The following PCDH9 variants were observed in gnomAD, a reference collection of about 807,000 sequenced individuals.
PCDH9 encodes the protein protocadherin 9.
Under a neutral mutation model 70.6 loss-of-function variants are expected in PCDH9, and 24 were observed. That is an observed-to-expected ratio of 0.34 (90% CI 0.25 to 0.48). The LOEUF (loss-of-function observed/expected upper bound fraction) is 0.48. Ranked by LOEUF, PCDH9 falls within the 20% of genes least tolerant of loss-of-function variation. The probability of loss-of-function intolerance (pLI) is 0.99; values close to 1 mark genes in which losing one functional copy is unlikely to be tolerated. For synonymous variants in PCDH9, 562 were observed against 558.5 expected (o/e 1.01, Z -0.09); for missense variants, 1,281 against 1,503.6 (o/e 0.85, Z 2.45).
At position 66,819,516 on chromosome 13, in the gene PCDH9, A is replaced by T. The variant is rs145488733; in HGVS notation, c.3138+83988T>A. On this transcript the variant is annotated intron_variant, in intron 3 of 4. Coordinates refer to ENST00000377865, the MANE Select transcript of PCDH9 (RefSeq NM_203487.3). ...CTTTATTATTGGAAATGATTCAATGAAAGGACGACACTTCTCATTGGACTT... is the reference window on the plus strand; with the variant it reads ...CTTTATTATTGGAAATGATTCAATGTAAGGACGACACTTCTCATTGGACTT... Among the ~76,000 whole-genome samples the T allele has an allele frequency of 8.8e-3, 1,345 of 152,258 alleles. 16 individuals are homozygous for T. Among genetic ancestry groups the T allele is most frequent in the African/African-American group, 0.03 (1,256 of 41,540 alleles).
chr13:66,739,401 A>C (rs909050806), intron 3 of PCDH9, among the ~76,000 whole-genome samples: 1 of 151,240 alleles, frequency 6.6e-6, no homozygotes, highest in African/African-American at 2.4e-5. Flanking sequence ...CAAAATATAA[A>C]GACCATAGAG....
At chr13:67,210,871 C>T (rs2089454413) in intron 2 of PCDH9, 1 of 151,886 alleles carries the variant, frequency 6.6e-6, no homozygotes, top group African/African-American at 2.4e-5. Flanking sequence ...TCAGAATAAG[C>T]AAGGAATTGA....
chr13:66,712,745 A>G (rs1272129206), intron 3 of PCDH9, among the ~76,000 whole-genome samples: 1 of 152,122 alleles, frequency 6.6e-6, no homozygotes, highest in Non-Finnish European at 1.5e-5. Context: ...TGTTGCACAC[A>G]CATTATATAT....
chr13:66,490,711 AT>A (rs899513805), intron 4 of PCDH9, among the ~76,000 whole-genome samples: 52 of 151,886 alleles, frequency 3.4e-4, no homozygotes, highest in Admixed American at 9.2e-4. Flanking sequence ...TTGCTGAACT[AT>A]TTTTTTTAAT....
chr13:66,871,875 T>C (rs1487214342), intron 3 of PCDH9, among the ~76,000 whole-genome samples: 1 of 152,088 alleles, frequency 6.6e-6, no homozygotes, highest in African/African-American at 2.4e-5. Context: ...AACATACTCC[T>C]CTACTTTCAT....
At chr13:66,469,039 T>TTGTG (rs1223538216) in intron 4 of PCDH9, among the ~76,000 whole-genome samples, 1 of 152,030 alleles carries the variant, frequency 6.6e-6, no homozygotes, top group East Asian at 1.9e-4. Flanking sequence ...TTTTTCTAAG[T>TTGTG]TGTGTGTGTG....
chr13:66,363,316 T>A (rs566441908), intron 4 of PCDH9, among the ~76,000 whole-genome samples: 1 of 152,348 alleles, frequency 6.6e-6, no homozygotes, highest in East Asian at 1.9e-4. Flanking sequence ...TTAGGAAATT[T>A]AGGATACAAT....
At chr13:66,370,609 C>T (rs185989897) in intron 4 of PCDH9, among the ~76,000 whole-genome samples, 4 of 151,100 alleles carry the variant, frequency 2.6e-5, no homozygotes, top group Admixed American at 2.6e-4. Flanking sequence ...TGCCCAGGCT[C>T]AAGGGATCCT....
Position 66,455,898 on chromosome 13 carries a change from A to C in PCDH9, c.3341-150870T>G, listed in dbSNP as rs1958308402. On this transcript the variant is annotated intron_variant, in intron 4 of 4. Transcript: ENST00000377865. ...AAGACCATGTTCAATATTTTAGTCT[A>C]AAGGTAAGAGATTCATAGCCTACAG... 2.0e-5 allele frequency among the ~76,000 whole-genome samples: 3 copies of C among 152,272 alleles called. No individual in the cohort carries two copies. In the South Asian group the frequency reaches 6.2e-4, roughly 32 times the overall value.
chr13:66,661,971 G>T (rs2078014963), intron 3 of PCDH9, among the ~76,000 whole-genome samples: 1 of 152,070 alleles, frequency 6.6e-6, no homozygotes, highest in Non-Finnish European at 1.5e-5. Context: ...TTAATATTGT[G>T]ACATGCTCAG....
At chr13:66,669,873 A>C (rs1185781137) in intron 3 of PCDH9, among the ~76,000 whole-genome samples, 2 of 152,210 alleles carry the variant, frequency 1.3e-5, no homozygotes, top group Non-Finnish European at 2.9e-5. Flanking sequence ...AATGTGTTTT[A>C]ATAAAAACTA....
intron 4 of PCDH9, among the ~76,000 whole-genome samples, chr13:66,615,513 TG>T (rs1566457242): frequency 1.3e-5 from 2 of 152,344 alleles, no homozygotes; most frequent in Non-Finnish European, 2.9e-5. Context: ...CATAGACAAT[TG>T]TCATCTTGTT....
chr13:66,324,515 T>C (rs1566241283), intron 4 of PCDH9, among the ~76,000 whole-genome samples: 1 of 152,136 alleles, frequency 6.6e-6, no homozygotes, highest in East Asian at 1.9e-4. Flanking sequence ...CAGTTATTGA[T>C]AGAGAATATT....
chr13:67,154,593 A>ATATATATAT (rs1278309789), intron 2 of PCDH9, among the ~76,000 whole-genome samples: 1 of 85,794 alleles, frequency 1.2e-5, no homozygotes, highest in Non-Finnish European at 2.3e-5. Flanking sequence ...AAAAAAAAAA[A>ATATATATAT]AAATATATAT....
intron 4 of PCDH9, among the ~76,000 whole-genome samples, chr13:66,515,945 T>G (rs1959711691): frequency 6.6e-6 from 1 of 152,006 alleles, no homozygotes; most frequent in Non-Finnish European, 1.5e-5. Flanking sequence ...GAGGATGACT[T>G]TACCACATTT....
intron 2 of PCDH9, among the ~76,000 whole-genome samples, chr13:66,938,569 A>G (rs1464346005): frequency 6.6e-6 from 1 of 152,184 alleles, no homozygotes; most frequent in East Asian, 1.9e-4. Flanking sequence ...GGTTATTTAG[A>G]GTTTGCAATG....
chr13:66,631,275 T>C lies in PCDH9; in HGVS notation c.3275A>G (p.Glu1092Gly), dbSNP rs2138934830. 1.2e-6 allele frequency: 2 copies of C among 1,611,580 alleles called. No homozygotes were observed. The highest frequency in any genetic ancestry group is 1.1e-5 in the South Asian group (1 of 91,042). The change falls in exon 4 of 5, where the codon GAA (glutamate) becomes GGA (glycine). Residue 1092 changes from glutamate (E) to glycine (G), a missense_variant. Around this residue, in one of 4 missense-constraint regions of PCDH9, gnomAD observed 264 missense variants for 278.8 expected, o/e 0.95. Transcript: ENST00000377865. ...HPLPLVQPQD[E>G]FYDQASPDKR... ...GTCCGGAGAGGCCTGGTCATAGAAT[T>C]CGTCCTGTGGCTGAACCAGAGGAAG...
intron 2 of PCDH9, among the ~76,000 whole-genome samples, chr13:66,967,602 T>A (rs917613839): frequency 5.3e-5 from 8 of 151,908 alleles, no homozygotes; most frequent in Admixed American, 3.9e-4. Flanking sequence ...ATAAGTCCAA[T>A]ACAAGACTAT....
chr13:67,218,023 A>G (rs1244272285), intron 2 of PCDH9: 1 of 151,962 alleles, frequency 6.6e-6, no homozygotes, highest in African/African-American at 2.4e-5. Context: ...GCTATAAATC[A>G]CTCTAATGTG....
Sources: gnomAD v4.1 joint callset for allele counts (sites outside exome capture counted in the v4.1 genomes callset) on GRCh38, gnomAD v4.1.1 for gene constraint, gnomAD v4.1.1 regional missense constraint, MANE v1.5 for transcripts, NCBI Gene and HGNC (gene_info 2026-07-23, HGNC 2026-07-21) for gene names.